CCDC71L: variants seen among roughly 807,000 people sequenced by gnomAD.
CCDC71L encodes coiled-coil domain containing 71 like.
In CCDC71L, 6 loss-of-function variants were observed where a neutral mutation model predicts 10.2. The observed-to-expected ratio is 0.59, with a 90% CI of 0.32 to 1.16. The LOEUF is 1.16. CCDC71L is among the 50% of genes most tolerant of loss of function. The pLI is 0.05. For synonymous variants in CCDC71L, 204 were observed against 175.5 expected (o/e 1.16, Z -1.28); for missense variants, 366 against 383.4 (o/e 0.95, Z 0.38).
rs1035203674 is a variant in CCDC71L at position 106,661,132 on chromosome 7, C to G, written c.-236G>C. Reference sequence around the variant, plus strand: ...TTGTCATTGGACGGCGCCTCGCCCCCCTGGTTTCTCTTTCTTCTCCTCTCT... The same window carrying G: ...TTGTCATTGGACGGCGCCTCGCCCCGCTGGTTTCTCTTTCTTCTCCTCTCT... On this transcript the variant is annotated 5_prime_UTR_variant, in exon 1 of 1. Coordinates refer to ENST00000523505, the MANE Select transcript of CCDC71L (RefSeq NM_175884.6). 2.6e-5 allele frequency: 12 copies of G among 465,804 alleles called. No individual in the cohort carries two copies. The highest frequency in any genetic ancestry group is 6.1e-4 in the Middle Eastern group (1 of 1,644). The allele number at this position is 465,804 out of a possible 1,614,324, so 28.9% of individuals were successfully genotyped here.
Position 106,659,976 on chromosome 7 carries a change from G to C in CCDC71L, c.*213C>G, listed in dbSNP as rs1171589214. ...TCCCTCCGCAGGCCGGGTACGGGAGGCAGCAGAGGGCACACCTGCCCCAGC... is the reference window on the plus strand; with the variant it reads ...TCCCTCCGCAGGCCGGGTACGGGAGCCAGCAGAGGGCACACCTGCCCCAGC... On this transcript the variant is annotated 3_prime_UTR_variant, in exon 1 of 1. Transcript: ENST00000523505. The C allele has an allele frequency of 3.3e-6, 2 of 606,594 alleles. No homozygotes were observed. Among genetic ancestry groups the C allele is most frequent in the Non-Finnish European group, 5.3e-6 (2 of 380,746 alleles). 37.6% of individuals were successfully genotyped at this position (606,594 alleles called of 1,614,324 possible).
At position 106,660,376 on chromosome 7, in the gene CCDC71L, C is replaced by G; in HGVS notation, c.521G>C (p.Gly174Ala). 1 of 1,363,374 alleles carries G rather than the reference C, an allele frequency of 7.3e-7. No individual in the cohort carries two copies. Among genetic ancestry groups the G allele is most frequent in the Non-Finnish European group, 9.4e-7 (1 of 1,062,722 alleles). The allele number at this position is 1,363,374 out of a possible 1,614,324, so 84.5% of individuals were successfully genotyped here. The change falls in exon 1 of 1, where the codon GGC becomes GCC. Residue 174 changes from glycine (G) to alanine (A), a missense_variant. Gly to Ala is a moderately conservative substitution (Grantham distance 60). Coordinates refer to ENST00000523505, the MANE Select transcript of CCDC71L (RefSeq NM_175884.6). The surrounding 1 kb of genome is among the most constrained non-coding windows in gnomAD (Gnocchi z 7.5). ...CCTCCAGATCTCCTCCAAGGTGCGG[C>G]CCCCGAAGCAGGGCCCGGGGGCCAC... ...KPVAPGPCFGGRTLEEIWRAA... is the reference protein window; with the variant it reads ...KPVAPGPCFGARTLEEIWRAA...
rs1432702763 is a variant in CCDC71L at position 106,659,034 on chromosome 7, T to A, written c.*1155A>T. On this transcript the variant is annotated 3_prime_UTR_variant, in exon 1 of 1. Coordinates refer to ENST00000523505, the MANE Select transcript of CCDC71L (RefSeq NM_175884.6). ...AAATAGATTTCGCCCAAAGTAACCT[T>A]AACCAGTTATTTGATACCAAGAAAT... 6.6e-6 allele frequency: 1 copy of A among 152,202 alleles called. No individual in the cohort carries two copies. The highest frequency in any genetic ancestry group is 1.5e-5 in the Non-Finnish European group (1 of 68,026). 9.4% of individuals were successfully genotyped at this position (152,202 alleles called of 1,614,324 possible). A position where few individuals can be genotyped will look rare whatever the true frequency, so the allele number is the denominator to read the frequency against.
chr7:106,660,701 G>A lies in CCDC71L; in HGVS notation c.196C>T (p.Arg66Cys). 2 of 1,583,450 alleles carry A rather than the reference G, an allele frequency of 1.3e-6. No individual in the cohort carries two copies. The highest frequency in any genetic ancestry group is 1.2e-5 in the South Asian group (1 of 86,478). ...TCCGAGCTCATGAACTCCGTGCTGC[G>A]GGGCATGAAGAGCTTGAAGGCGTCG... ...LGDAFKLFMP[R>C]STEFMSSDAE... The change falls in exon 1 of 1, where the codon CGC becomes TGC. Residue 66 changes from arginine (R) to cysteine (C), a missense_variant. Transcript: ENST00000523505. The surrounding 1 kb of genome is among the most constrained non-coding windows in gnomAD (Gnocchi z 7.5).
rs1562909579 is a variant in CCDC71L at position 106,661,133 on chromosome 7, CT to C, written c.-238del. On this transcript the variant is annotated 5_prime_UTR_variant, in exon 1 of 1. Transcript: ENST00000523505. Reference sequence around the variant, plus strand: ...TGTCATTGGACGGCGCCTCGCCCCCCTGGTTTCTCTTTCTTCTCCTCTCTTG... The same window carrying C: ...TGTCATTGGACGGCGCCTCGCCCCCCGGTTTCTCTTTCTTCTCCTCTCTTG... 6.5e-6 allele frequency: 3 copies of C among 463,874 alleles called. No individual in the cohort carries two copies. Among genetic ancestry groups the C allele is most frequent in the Admixed American group, 4.6e-5 (1 of 21,766 alleles). 28.7% of individuals were successfully genotyped at this position (463,874 alleles called of 1,614,324 possible).
At position 106,655,116 on chromosome 7, in the gene CCDC71L, T is replaced by C. The variant is rs1792469932; in HGVS notation, c.*5073A>G. 6.6e-6 allele frequency among the ~76,000 whole-genome samples: 1 copy of C among 152,176 alleles called. No individual in the cohort carries two copies. On this transcript the variant is annotated 3_prime_UTR_variant, in exon 1 of 1. Coordinates refer to ENST00000523505, the MANE Select transcript of CCDC71L (RefSeq NM_175884.6). ...GGCTTTAGATATGTTTATTATGTTA[T>C]AGATCATGGTTTAGAATGACATTTA...
In CCDC71L at chr7:106,660,240, C is replaced by T. The variant is rs747961551; in HGVS notation, c.657G>A (p.Val219=). The T allele has an allele frequency of 2.5e-6, 4 of 1,577,690 alleles. No individual in the cohort carries two copies. The African/African-American group carries it at 4.2e-5, about 16-fold the overall frequency. Residue 219 remains valine (V), a synonymous_variant, in exon 1 of 1, where the codon GTG becomes GTA. Transcript: ENST00000523505. The surrounding 1 kb of genome is among the most constrained non-coding windows in gnomAD (Gnocchi z 7.5). ...GGAGCCTCACCATGGGTTCCAGGTT[C>T]ACTCGCAGGACCTGGCGCGCCCTGC... ...ARRRARQVLR[V]NLEPMVRLRR...
rs745971088 is a variant in CCDC71L at position 106,660,207 on chromosome 7, G to C, written c.690C>G (p.Phe230Leu). ...NLEPMVRLRR[F>L]PVPRA ...CCGCACCTCATGCCCGGGGCACCGG[G>C]AAGCGGCGGAGCCTCACCATGGGTT... The change falls in exon 1 of 1, where the codon TTC (phenylalanine) becomes TTG (leucine). Residue 230 changes from phenylalanine (F) to leucine (L), a missense_variant. Coordinates refer to ENST00000523505, the MANE Select transcript of CCDC71L (RefSeq NM_175884.6). This position sits in a 1 kb window ranked among gnomAD's most constrained non-coding sequence, Gnocchi z 7.5. 1 of 1,567,402 alleles carries C rather than the reference G, an allele frequency of 6.4e-7. No individual in the cohort carries two copies. The highest frequency in any genetic ancestry group is 8.6e-7 in the Non-Finnish European group (1 of 1,166,832).
In CCDC71L at chr7:106,660,698, T is replaced by C. The variant is rs2116105360; in HGVS notation, c.199A>G (p.Ser67Gly). The C allele has an allele frequency of 6.3e-7, 1 of 1,584,280 alleles. No homozygotes were observed. Among genetic ancestry groups the C allele is most frequent in the Non-Finnish European group, 8.6e-7 (1 of 1,165,252 alleles). The change falls in exon 1 of 1, where the codon AGC (serine) becomes GGC (glycine). Residue 67 changes from serine to glycine, a missense_variant. By Grantham distance (56) the Ser-to-Gly change is moderately conservative (BLOSUM62 0). Coordinates refer to ENST00000523505, the MANE Select transcript of CCDC71L (RefSeq NM_175884.6). This position sits in a 1 kb window ranked among gnomAD's most constrained non-coding sequence, Gnocchi z 7.5. ...GDAFKLFMPR[S>G]TEFMSSDAEL... ...GCGTCCGAGCTCATGAACTCCGTGC[T>C]GCGGGGCATGAAGAGCTTGAAGGCG...
chr7:106,660,366 C>T lies in CCDC71L; in HGVS notation c.531G>A (p.Leu177=). The stretch of plus-strand genomic sequence containing the variant: ...GGGTGGCCGCCCTCCAGATCTCCTC[C>T]AAGGTGCGGCCCCCGAAGCAGGGCC... ...APGPCFGGRT[L]EEIWRAATPT... is the part of the protein sequence containing the mutation. Residue 177 remains leucine, a synonymous_variant, in exon 1 of 1, where the codon TTG becomes TTA. Coordinates refer to ENST00000523505, the MANE Select transcript of CCDC71L (RefSeq NM_175884.6). This position sits in a 1 kb window ranked among gnomAD's most constrained non-coding sequence, Gnocchi z 7.5. The T allele has an allele frequency of 7.2e-7, 1 of 1,397,346 alleles. No individual in the cohort carries two copies. Among genetic ancestry groups the T allele is most frequent in the Non-Finnish European group, 9.2e-7 (1 of 1,081,474 alleles). The allele number at this position is 1,397,346 out of a possible 1,614,324, so 86.6% of individuals were successfully genotyped here.
rs1250561255 is a variant in CCDC71L, at chr7:106,656,228, CT to C, written c.*3960del. On this transcript the variant is annotated 3_prime_UTR_variant, in exon 1 of 1. Coordinates refer to ENST00000523505, the MANE Select transcript of CCDC71L (RefSeq NM_175884.6). ...CTACGCTTCCTCCAACTAATAGGAA[CT>C]TAGGTACAAAGACAAATTCAGCCCA... Among the ~76,000 whole-genome samples, 1 of 152,136 alleles carries C rather than the reference CT, an allele frequency of 6.6e-6. No homozygotes were observed. Among genetic ancestry groups the C allele is most frequent in the Admixed American group, 6.5e-5 (1 of 15,268 alleles).
rs1467053814 is a variant in CCDC71L, at chr7:106,660,820, C to T, written c.77G>A (p.Arg26Lys). The change falls in exon 1 of 1, where the codon AGG becomes AAG. Residue 26 changes from arginine (R) to lysine (K), a missense_variant. By Grantham distance (26) the Arg-to-Lys change is conservative. Transcript: ENST00000523505. This position sits in a 1 kb window ranked among gnomAD's most constrained non-coding sequence, Gnocchi z 7.5. ...PATAARGGDF[R>K]AEDGAGLEAR... ...CTCCAACCCAGCCCCGTCTTCTGCC[C>T]TAAAGTCGCCGCCCCGGGCGGCCGT... is the stretch of plus-strand genomic sequence containing the variant. 1 of 1,534,286 alleles carries T rather than the reference C, an allele frequency of 6.5e-7. No individual in the cohort carries two copies. Among genetic ancestry groups the T allele is most frequent in the Non-Finnish European group, 8.8e-7 (1 of 1,140,586 alleles).
At position 106,654,541 on chromosome 7, in the gene CCDC71L, AATTTC is replaced by A. The variant is rs1391444742; in HGVS notation, c.*5643_*5647del. On this transcript the variant is annotated 3_prime_UTR_variant, in exon 1 of 1. Transcript: ENST00000523505. ...CAATATAAATGAATCTCACAAACAT[AATTTC>A]AAGTGAAAGAAGCTAGACACATGAC... Among the ~76,000 whole-genome samples, 1 of 152,178 alleles carries A rather than the reference AATTTC, an allele frequency of 6.6e-6. No individual in the cohort carries two copies. Among genetic ancestry groups the A allele is most frequent in the African/African-American group, 2.4e-5 (1 of 41,454 alleles).
In CCDC71L at chr7:106,655,170, G is replaced by C. The variant is rs1792470888; in HGVS notation, c.*5019C>G. On this transcript the variant is annotated 3_prime_UTR_variant, in exon 1 of 1. Coordinates refer to ENST00000523505, the MANE Select transcript of CCDC71L (RefSeq NM_175884.6). ...AGACACAAGAGAGTGATGACAGTGA[G>C]AAGTCATTACTTCTGTGAAATCTGC... Among the ~76,000 whole-genome samples, 1 of 152,110 alleles carries C rather than the reference G, an allele frequency of 6.6e-6. No individual in the cohort carries two copies. The highest frequency in any genetic ancestry group is 1.5e-5 in the Non-Finnish European group (1 of 67,964).
chr7:106,660,920 C>G lies in CCDC71L; in HGVS notation c.-24G>C. 2 of 1,343,350 alleles carry G rather than the reference C, an allele frequency of 1.5e-6. No homozygotes were observed. Among genetic ancestry groups the G allele is most frequent in the Non-Finnish European group, 1.9e-6 (2 of 1,050,306 alleles). The allele number at this position is 1,343,350 out of a possible 1,614,324, so 83.2% of individuals were successfully genotyped here. On this transcript the variant is annotated 5_prime_UTR_variant, in exon 1 of 1. Coordinates refer to ENST00000523505, the MANE Select transcript of CCDC71L (RefSeq NM_175884.6). The surrounding 1 kb of genome is among the most constrained non-coding windows in gnomAD (Gnocchi z 7.5). Reference sequence around the variant, plus strand: ...ATCGAAGGCCGCTCCGGGCCACTCACGCTCGCCGGGTCCCACTACTGCCGC... The same window carrying G: ...ATCGAAGGCCGCTCCGGGCCACTCAGGCTCGCCGGGTCCCACTACTGCCGC...
At position 106,656,773 on chromosome 7, in the gene CCDC71L, C is replaced by T. The variant is rs983591340; in HGVS notation, c.*3416G>A. On this transcript the variant is annotated 3_prime_UTR_variant, in exon 1 of 1. Transcript: ENST00000523505. ...TTAGAAAAACTAGACACTATGTATT[C>T]TCTAAAATTTATTTACAGTTAATAA... 5.9e-5 allele frequency: 9 copies of T among 152,134 alleles called. No individual in the cohort carries two copies. The highest frequency in any genetic ancestry group is 2.2e-4 in the African/African-American group (9 of 41,436). The allele number at this position is 152,134 out of a possible 1,614,324, so 9.4% of individuals were successfully genotyped here. A position where few individuals can be genotyped will look rare whatever the true frequency, so the allele number is the denominator to read the frequency against.
At position 106,656,458 on chromosome 7, in the gene CCDC71L, C is replaced by T. The variant is rs1036824373; in HGVS notation, c.*3731G>A. Reference sequence around the variant, plus strand: ...ACCTTTTGTCATCGTCACAGGGGCACCTCGGGTCAGGATTTAGAGAATTCT... The same window carrying T: ...ACCTTTTGTCATCGTCACAGGGGCATCTCGGGTCAGGATTTAGAGAATTCT... On this transcript the variant is annotated 3_prime_UTR_variant, in exon 1 of 1. Transcript: ENST00000523505. Among the ~76,000 whole-genome samples the T allele has an allele frequency of 6.6e-5, 10 of 152,002 alleles. No homozygotes were observed. The highest frequency in any genetic ancestry group is 1.2e-4 in the Non-Finnish European group (8 of 68,006).
Position 106,654,859 on chromosome 7 carries a change from C to T in CCDC71L, c.*5330G>A, listed in dbSNP as rs1554398867. Among the ~76,000 whole-genome samples the T allele has an allele frequency of 3.3e-5, 5 of 150,904 alleles. No homozygotes were observed. The highest frequency in any genetic ancestry group is 3.0e-5 in the Non-Finnish European group (2 of 67,672). ...AAGATTTAGAACCCTAAGCCACACT[C>T]TTTTTTTTTCTGTACTCTTTAAAGA... On this transcript the variant is annotated 3_prime_UTR_variant, in exon 1 of 1. Transcript: ENST00000523505.
rs2286149 is a variant in CCDC71L at position 106,659,346 on chromosome 7, T to C, written c.*843A>G. The C allele has an allele frequency of 0.15, 22,922 of 152,322 alleles. 2,362 individuals are homozygous for C. Among genetic ancestry groups the C allele is most frequent in the East Asian group, 0.53 (2,739 of 5,174 alleles). 9.4% of individuals were successfully genotyped at this position (152,322 alleles called of 1,614,324 possible). On this transcript the variant is annotated 3_prime_UTR_variant, in exon 1 of 1. Transcript: ENST00000523505. ...TTCTTCACAATTTATTCATTTTTTT[T>C]AATCACACACCATATGGTTTCAATG...
Sources: gnomAD v4.1 joint callset for allele counts (sites outside exome capture counted in the v4.1 genomes callset) on GRCh38, gnomAD v4.1.1 for gene constraint, Gnocchi (gnomAD v3.1) non-coding constraint, MANE v1.5 for transcripts, NCBI Gene and HGNC (gene_info 2026-07-23, HGNC 2026-07-21) for gene names.